ITFG1: variants seen among roughly 807,000 people sequenced by gnomAD.
ITFG1 encodes the protein T-cell immunomodulatory protein.
Under a neutral mutation model 81.8 loss-of-function variants are expected in ITFG1, and 34 were observed. That is an observed-to-expected ratio of 0.42 (90% confidence interval 0.32 to 0.55). The LOEUF is 0.55. Among genes scored for constraint, ITFG1 ranks in the 20% least tolerant of loss-of-function variants. The pLI is 0.17. For synonymous variants in ITFG1, 285 were observed against 270.6 expected, an observed-to-expected ratio of 1.05 and a Z score of -0.52; for missense variants, 672 against 755.4, an observed-to-expected ratio of 0.89 and a Z score of 1.29.
chr16:47,422,566 G>T (rs1173645738), intron 6 of ITFG1, among the ~76,000 whole-genome samples: 1 of 152,132 alleles, frequency 6.6e-6, no homozygotes, highest in African/African-American at 2.4e-5. Context: ...AGAAAAAATG[G>T]TACCAGTTCC....
chr16:47,429,482 T>A (rs1427503108), intron 5 of ITFG1, among the ~76,000 whole-genome samples: 1 of 152,216 alleles, frequency 6.6e-6, no homozygotes, highest in Non-Finnish European at 1.5e-5. Flanking sequence ...CATAGAGGAA[T>A]ATATGTTTAA....
At chr16:47,223,375 A>C (rs1383580827) in intron 13 of ITFG1, among the ~76,000 whole-genome samples, 2 of 152,218 alleles carry the variant, frequency 1.3e-5, no homozygotes, top group African/African-American at 4.8e-5. Flanking sequence ...CAATGAACTC[A>C]AACAAATTTA....
intron 8 of ITFG1, among the ~76,000 whole-genome samples, chr16:47,331,819 G>A (rs1487202421): frequency 6.6e-6 from 1 of 152,116 alleles, no homozygotes; most frequent in South Asian, 2.1e-4. Context: ...AATTTTTGTT[G>A]TACGATCTAT....
Position 47,460,981 on chromosome 16 carries a change from G to A in ITFG1, c.65C>T (p.Ala22Val). 1 of 1,591,036 alleles carries A rather than the reference G, an allele frequency of 6.3e-7. No individual in the cohort carries two copies. Among genetic ancestry groups the A allele is most frequent in the Non-Finnish European group, 8.6e-7 (1 of 1,168,862 alleles). ...TGGGACCGGCCCGACTCCCAGTAGT[G>A]CAAGCCCTGCGAGGAGCGGCGAGAA... ...ALFSPLLAGL[A>V]LLGVGPVPAR... Residue 22 changes from alanine to valine, a missense_variant, in exon 1 of 18, where the codon GCA (alanine) becomes GTA (valine). Physicochemically the swap from Ala to Val is moderately conservative, Grantham distance 64. Coordinates refer to ENST00000320640, the MANE Select transcript of ITFG1 (RefSeq NM_030790.5).
chr16:47,392,905 G>A (rs1012637273), intron 6 of ITFG1, among the ~76,000 whole-genome samples: 2 of 152,160 alleles, frequency 1.3e-5, no homozygotes, highest in Non-Finnish European at 2.9e-5. Context: ...CCCAGCCACA[G>A]GTTTTTGATC....
intron 14 of ITFG1, among the ~76,000 whole-genome samples, chr16:47,184,076 G>C (rs1160404352): frequency 2.0e-5 from 3 of 152,042 alleles, no homozygotes; most frequent in Admixed American, 2.0e-4. Context: ...GAAGTTTAGA[G>C]AAAAAAGAAT....
chr16:47,247,667 T>C (rs1477125226), intron 12 of ITFG1, among the ~76,000 whole-genome samples: 1 of 152,092 alleles, frequency 6.6e-6, no homozygotes, highest in Non-Finnish European at 1.5e-5. Flanking sequence ...AGTAAGAGAG[T>C]TGGATGAAAT....
rs199756969 is a variant in ITFG1 at position 47,325,175 on chromosome 16, A to C, written c.803-11352T>G. ...AATCAAACTAGAACTCAGGATTAAG[A>C]AACTCACTCAAAACCGCTCAACTAC... On this transcript the variant is annotated intron_variant, in intron 8 of 17. Coordinates refer to ENST00000320640, the MANE Select transcript of ITFG1 (RefSeq NM_030790.5). 2.2e-3 allele frequency among the ~76,000 whole-genome samples: 331 copies of C among 152,350 alleles called. 1 individual carries two copies. The highest frequency in any genetic ancestry group is 0.015 in the East Asian group (76 of 5,186).
intron 14 of ITFG1, among the ~76,000 whole-genome samples, chr16:47,205,373 C>A (rs937084812): frequency 1.3e-5 from 2 of 152,068 alleles, no homozygotes; most frequent in African/African-American, 2.4e-5. Flanking sequence ...TCAAAATCAC[C>A]CGATTGAGAA....
chr16:47,270,386 A>C (rs1168226095), intron 10 of ITFG1, among the ~76,000 whole-genome samples: 4 of 152,252 alleles, frequency 2.6e-5, no homozygotes, highest in Non-Finnish European at 1.5e-5. Context: ...ATCCTAATTT[A>C]TTAAATAAAC....
At chr16:47,445,247 G>GAAAAAAAA (rs907756228) in intron 5 of ITFG1, among the ~76,000 whole-genome samples, 1 of 30,824 alleles carries the variant, frequency 3.2e-5, no homozygotes, top group Non-Finnish European at 6.8e-5. Flanking sequence ...CTCCGTCTCA[G>GAAAAAAAA]AAAAAAAAAA....
At chr16:47,236,057 T>C (rs935503314) in intron 13 of ITFG1, among the ~76,000 whole-genome samples, 3 of 152,164 alleles carry the variant, frequency 2.0e-5, no homozygotes, top group Admixed American at 6.5e-5. Context: ...TGGTAATCAT[T>C]ATAAAGGCAG....
In ITFG1 at chr16:47,313,733, T is replaced by G. The variant is rs759847132; in HGVS notation, c.893A>C (p.Lys298Thr). The G allele has an allele frequency of 8.4e-6, 13 of 1,551,552 alleles. No individual in the cohort carries two copies. Among genetic ancestry groups the G allele is most frequent in the Non-Finnish European group, 1.1e-5 (13 of 1,135,452 alleles). The stretch of plus-strand genomic sequence containing the variant: ...ATTAAAAACAACTTGATATACCTGC[T>G]TCATCCCAGATCTCACTAAGTAGAT... ...STIYLVRSGM[K>T]QWVPVLQDFS... Residue 298 changes from lysine (K) to threonine (T), a missense_variant, in exon 9 of 18, where the codon AAG becomes ACG. Coordinates refer to ENST00000320640, the MANE Select transcript of ITFG1 (RefSeq NM_030790.5).
intron 14 of ITFG1, among the ~76,000 whole-genome samples, chr16:47,189,593 C>T (rs557654045): frequency 6.6e-6 from 1 of 152,184 alleles, no homozygotes; most frequent in Admixed American, 6.5e-5. Context: ...GTGGTTTACC[C>T]ATTCATCAGT....
At chr16:47,420,985 G>A (rs1968938825) in intron 6 of ITFG1, among the ~76,000 whole-genome samples, 2 of 152,076 alleles carry the variant, frequency 1.3e-5, no homozygotes, top group South Asian at 4.2e-4. Context: ...TTGCTGAATT[G>A]TTCTCCTTAT....
intron 6 of ITFG1, among the ~76,000 whole-genome samples, chr16:47,386,606 C>T (rs1337465812): frequency 2.6e-5 from 4 of 152,328 alleles, no homozygotes; most frequent in African/African-American, 9.6e-5. Flanking sequence ...GACTCACACA[C>T]CACCCCTTTT....
At chr16:47,271,700 T>C (rs1966343086) in intron 10 of ITFG1, among the ~76,000 whole-genome samples, 1 of 152,014 alleles carries the variant, frequency 6.6e-6, no homozygotes, top group South Asian at 2.1e-4. Context: ...CTACTAAAAA[T>C]ACAAAACAAT....
intron 14 of ITFG1, among the ~76,000 whole-genome samples, chr16:47,194,132 A>G (rs1193767379): frequency 6.6e-6 from 1 of 152,214 alleles, no homozygotes; most frequent in African/African-American, 2.4e-5. Context: ...CTAATGCTAC[A>G]TCTGCATTTC....
At chr16:47,276,943 GACC>G (rs1260042051) in intron 10 of ITFG1, among the ~76,000 whole-genome samples, 4 of 152,240 alleles carry the variant, frequency 2.6e-5, no homozygotes, top group Middle Eastern at 3.4e-3. Context: ...ATATCTTTAT[GACC>G]ACAAGATAGA....
Sources: allele counts gnomAD v4.1 joint callset (sites outside exome capture counted in the v4.1 genomes callset), GRCh38; gene constraint gnomAD v4.1.1; transcripts MANE v1.5; gene names NCBI Gene and HGNC (gene_info 2026-07-23, HGNC 2026-07-21).